The following FBN1 variants were observed in gnomAD, a reference collection of about 807,000 sequenced individuals.
FBN1 encodes fibrillin-1.
FBN1 carries 29 observed loss-of-function variants against 365.1 expected under a neutral mutation model. The observed-to-expected ratio is 0.08, with a 90% CI of 0.06 to 0.11. The LOEUF is 0.11. FBN1 is among the 10% of genes least tolerant of loss of function. The probability of loss-of-function intolerance (pLI) is 1.00; values close to 1 mark genes in which losing one functional copy is unlikely to be tolerated. For synonymous variants in FBN1, 1,210 were observed against 1,270.5 expected, an observed-to-expected ratio of 0.95 and a Z score of 1.01; for missense variants, 2,476 against 3,703.2, an observed-to-expected ratio of 0.67 and a Z score of 8.60.
chr15:48,411,263 A>G lies in FBN1; in HGVS notation c.8343T>C (p.Leu2781=), dbSNP rs1199559671. ...VSNKVRILEL[L]PALTTLTNHN... is the part of the protein sequence containing the mutation. ...GATTCGTCAGAGTTGTAAGAGCTGG[A>G]AGGAGTTCTAGGATTCGAACCTTGT... is the stretch of plus-strand genomic sequence containing the variant. The change falls in exon 66 of 66, where the codon CTT becomes CTC. Residue 2781 remains leucine (L), a synonymous_variant. Coordinates refer to ENST00000316623, the MANE Select transcript of FBN1 (RefSeq NM_000138.5). The G allele has an allele frequency of 6.2e-7, 1 of 1,614,152 alleles. No homozygotes were observed. Among genetic ancestry groups the G allele is most frequent in the Admixed American group, 1.7e-5 (1 of 60,018 alleles).
chr15:48,609,087 C>T (rs990948687), intron 4 of FBN1, among the ~76,000 whole-genome samples: 1 of 152,206 alleles, frequency 6.6e-6, no homozygotes, highest in African/African-American at 2.4e-5. Flanking sequence ...TATGCTTCAG[C>T]GGCAGCCTGG....
In FBN1 at chr15:48,612,181, A is replaced by G. The variant is rs542536980; in HGVS notation, c.247+829T>C. ...TTTCTGGTCAAAATCAAGAATTGAG[A>G]AACAGTTAAACTTTTTCAGGTCATG... is the stretch of plus-strand genomic sequence containing the variant. On this transcript the variant is annotated intron_variant, in intron 3 of 65. Coordinates refer to ENST00000316623, the MANE Select transcript of FBN1 (RefSeq NM_000138.5). 7.9e-5 allele frequency among the ~76,000 whole-genome samples: 12 copies of G among 152,356 alleles called. 1 individual carries two copies. The highest frequency in any genetic ancestry group is 2.9e-4 in the African/African-American group (12 of 41,576).
chr15:48,494,819 T>C (rs1473979779), intron 22 of FBN1, among the ~76,000 whole-genome samples: 2 of 152,156 alleles, frequency 1.3e-5, no homozygotes, highest in African/African-American at 4.8e-5. Flanking sequence ...TGAAAGATAA[T>C]CTGTACCTAT....
In FBN1 at chr15:48,410,999, C is replaced by G. The variant is rs958084888; in HGVS notation, c.8607G>C (p.Leu2869Phe). 5.0e-6 allele frequency: 8 copies of G among 1,613,276 alleles called. No homozygotes were observed. The highest frequency in any genetic ancestry group is 6.8e-6 in the Non-Finnish European group (8 of 1,179,942). The change falls in exon 66 of 66, where the codon TTG (leucine) becomes TTC (phenylalanine). Residue 2869 changes from leucine (L) to phenylalanine (F), a missense_variant. Physicochemically the swap from Leu to Phe is conservative, Grantham distance 22. This residue lies in a region of FBN1 where 177 missense variants were observed against 192.7 expected (regional missense o/e 0.92). Coordinates refer to ENST00000316623, the MANE Select transcript of FBN1 (RefSeq NM_000138.5). The part of the protein sequence containing the change: ...GDNLKMKIQV[L>F]LH ...GTCTCTGGATGGTGAATTAATGAAG[C>G]AAAACCTGGATTTTCATCTTCAGAT...
intron 5 of FBN1, among the ~76,000 whole-genome samples, chr15:48,597,466 C>G (rs12324154): frequency 0.013 from 2,019 of 152,328 alleles, 55 homozygotes; most frequent in African/African-American, 0.047. Flanking sequence ...TTTGGAGCTG[C>G]ACTACAGGCT....
chr15:48,542,832 T>TA (rs1491435027), intron 6 of FBN1, among the ~76,000 whole-genome samples: 54 of 147,900 alleles, frequency 3.7e-4, no homozygotes, highest in African/African-American at 1.2e-3. Flanking sequence ...TGTGTGTGTA[T>TA]TTTTTTTCCT....
At chr15:48,571,797 T>A (rs1423813248) in intron 6 of FBN1, among the ~76,000 whole-genome samples, 1 of 152,062 alleles carries the variant, frequency 6.6e-6, no homozygotes, top group Non-Finnish European at 1.5e-5. Context: ...CACTCTGTGT[T>A]CAAAGATGTT....
chr15:48,432,301 T>C (rs2043028788), intron 55 of FBN1, among the ~76,000 whole-genome samples: 1 of 152,118 alleles, frequency 6.6e-6, no homozygotes. Flanking sequence ...CAGGAGCAAA[T>C]CAGAGCTCTT....
Position 48,432,819 on chromosome 15 carries a change from A to C in FBN1, c.6739+47T>G, listed in dbSNP as rs1461000149. ...GAAGCTTTGAGGGACATCTCCCCTC[A>C]CAGATAAAGCTTCCTGGCTTAGATG... On this transcript the variant is annotated intron_variant, in intron 55 of 65. Coordinates refer to ENST00000316623, the MANE Select transcript of FBN1 (RefSeq NM_000138.5). 4 of 1,611,196 alleles carry C rather than the reference A, an allele frequency of 2.5e-6. No homozygotes were observed. The African/African-American group carries it at 5.3e-5, about 22-fold the overall frequency.
intron 6 of FBN1, among the ~76,000 whole-genome samples, chr15:48,595,989 C>T (rs913121999): frequency 3.3e-5 from 5 of 152,298 alleles, no homozygotes; most frequent in African/African-American, 1.2e-4. Flanking sequence ...GAAAGTTCTC[C>T]CCTTTTTATC....
intron 2 of FBN1, chr15:48,642,671 ATGTGTGTGTGTG>A: frequency 6.7e-6 from 1 of 149,688 alleles, no homozygotes; most frequent in East Asian, 2.0e-4. Context: ...ACCCCCGTGT[ATGTGTGTGTGTG>A]TGTGTGTGTG....
intron 13 of FBN1, among the ~76,000 whole-genome samples, chr15:48,513,199 T>C (rs185402449): frequency 1.3e-5 from 2 of 152,316 alleles, no homozygotes; most frequent in African/African-American, 4.8e-5. Flanking sequence ...AAGAAATTAA[T>C]TGCACATAAT....
intron 4 of FBN1, among the ~76,000 whole-genome samples, chr15:48,609,637 G>C (rs1427680830): frequency 6.6e-6 from 1 of 152,212 alleles, no homozygotes; most frequent in Non-Finnish European, 1.5e-5. Flanking sequence ...CTCTCCATCT[G>C]TTGTTGGTTA....
Position 48,422,001 on chromosome 15 carries a change from G to A in FBN1, c.7521C>T (p.Phe2507=), listed in dbSNP as rs111895751. The A allele has an allele frequency of 2.5e-6, 4 of 1,614,014 alleles. No homozygotes were observed. The highest frequency in any genetic ancestry group is 3.4e-6 in the Non-Finnish European group (4 of 1,179,986). Residue 2507 remains phenylalanine (F), a synonymous_variant, in exon 61 of 66, where the codon TTC becomes TTT. Coordinates refer to ENST00000316623, the MANE Select transcript of FBN1 (RefSeq NM_000138.5). ...QFLCVNTIGG[F]TCKCPPGFTQ... ...TAAATCCGGGAGGACATTTGCATGT[G>A]AAGCCGCCAATGGTGTTAACACATA...
At chr15:48,482,056 G>A (rs553697326) in intron 31 of FBN1, among the ~76,000 whole-genome samples, 19 of 152,216 alleles carry the variant, frequency 1.2e-4, no homozygotes, top group Admixed American at 7.9e-4. Context: ...TCGTTTATGT[G>A]ACAGTCTAGA....
chr15:48,516,009 A>C (rs932936415), intron 11 of FBN1, among the ~76,000 whole-genome samples, 174 bp downstream of exon 11: 8 of 152,206 alleles, frequency 5.3e-5, no homozygotes, highest in African/African-American at 1.9e-4. Flanking sequence ...TTCTCTATGC[A>C]ATAGGAAAAT....
At chr15:48,551,047 C>T (rs1566925243) in intron 6 of FBN1, among the ~76,000 whole-genome samples, 1 of 152,124 alleles carries the variant, frequency 6.6e-6, no homozygotes, top group Non-Finnish European at 1.5e-5. Context: ...ATCTTTTGAA[C>T]TATTCATTCC....
chr15:48,580,696 A>T (rs981233362), intron 6 of FBN1, among the ~76,000 whole-genome samples: 2 of 152,146 alleles, frequency 1.3e-5, no homozygotes, highest in Non-Finnish European at 2.9e-5. Context: ...CTTGTGACCA[A>T]ATGTTTCTCA....
In FBN1 at chr15:48,474,240, C is replaced by T; in HGVS notation, c.4210+15G>A. The T allele has an allele frequency of 6.2e-7, 1 of 1,614,008 alleles. No individual in the cohort carries two copies. The highest frequency in any genetic ancestry group is 8.5e-7 in the Non-Finnish European group (1 of 1,179,962). On this transcript the variant is annotated intron_variant, in intron 34 of 65. Coordinates refer to ENST00000316623, the MANE Select transcript of FBN1 (RefSeq NM_000138.5). ...CTGACTAGTGTTGACACAGTTGTTT[C>T]CAGCGTGAACATACCTGTACAAGTG...
Sources: allele counts gnomAD v4.1 joint callset (sites outside exome capture counted in the v4.1 genomes callset), GRCh38; gene constraint gnomAD v4.1.1; regional missense constraint gnomAD v4.1.1; transcripts MANE v1.5; gene names NCBI Gene and HGNC (gene_info 2026-07-23, HGNC 2026-07-21).